The following SGCZ variants were observed in gnomAD, a reference collection of about 807,000 sequenced individuals.
The protein encoded by SGCZ is sarcoglycan zeta.
Under a neutral mutation model 41.3 loss-of-function variants are expected in SGCZ, and 40 were observed. The ratio of observed to expected loss-of-function variants is 0.97; its 90% CI spans 0.75 to 1.26. The LOEUF (loss-of-function observed/expected upper bound fraction) is 1.26. Ranked by LOEUF, SGCZ falls within the 50% of genes most tolerant of loss-of-function variation. The probability of loss-of-function intolerance (pLI) is 0.00; values close to 1 mark genes in which losing one functional copy is unlikely to be tolerated. For missense variants in SGCZ, 552 were observed against 369.8 expected (o/e 1.49, Z -4.04); for synonymous variants, 206 against 137.5 (o/e 1.50, Z -3.49).
At chr8:14,227,960 C>T (rs890168343) in intron 4 of SGCZ, among the ~76,000 whole-genome samples, 5 of 151,986 alleles carry the variant, frequency 3.3e-5, no homozygotes, top group African/African-American at 9.7e-5. Context: ...TACCCCATGA[C>T]CAGGCAATTA....
intron 1 of SGCZ, among the ~76,000 whole-genome samples, chr8:14,653,425 T>C (rs533402011): frequency 6.6e-6 from 1 of 152,292 alleles, no homozygotes; most frequent in African/African-American, 2.4e-5. Flanking sequence ...AGCCCATATA[T>C]TTTGTAGTTT....
At chr8:14,443,668 G>C (rs979166590) in intron 2 of SGCZ, among the ~76,000 whole-genome samples, 23 of 152,082 alleles carry the variant, frequency 1.5e-4, no homozygotes, top group African/African-American at 5.3e-4. Context: ...ATTCAAGATG[G>C]ATTAAAGACT....
chr8:14,687,796 T>G (rs1489440408), intron 1 of SGCZ, among the ~76,000 whole-genome samples: 10 of 151,996 alleles, frequency 6.6e-5, no homozygotes, highest in Admixed American at 6.6e-4. Context: ...GATGAACTAG[T>G]TTACAGTCCC....
intron 1 of SGCZ, among the ~76,000 whole-genome samples, chr8:15,170,609 G>A (rs1371499683): frequency 6.6e-6 from 1 of 152,166 alleles, no homozygotes; most frequent in Non-Finnish European, 1.5e-5. Context: ...ATGTGTCCCT[G>A]GAATCCAGGT....
chr8:14,689,706 G>A (rs1808735663), intron 1 of SGCZ, among the ~76,000 whole-genome samples: 2 of 152,176 alleles, frequency 1.3e-5, no homozygotes, highest in South Asian at 4.1e-4. Flanking sequence ...AGCTGCACCT[G>A]CTCTTATTTG....
chr8:14,785,242 A>G (rs1270940865), intron 1 of SGCZ, among the ~76,000 whole-genome samples: 1 of 151,796 alleles, frequency 6.6e-6, no homozygotes, highest in Non-Finnish European at 1.5e-5. Context: ...TATTTCTACT[A>G]TCAGAAATTT....
At chr8:14,532,374 G>A (rs890084843) in intron 2 of SGCZ, among the ~76,000 whole-genome samples, 1 of 152,072 alleles carries the variant, frequency 6.6e-6, no homozygotes, top group African/African-American at 2.4e-5. Flanking sequence ...GTAGAAAGTG[G>A]ATAATGGTCT....
At chr8:14,640,647 G>A (rs985348602) in intron 1 of SGCZ, among the ~76,000 whole-genome samples, 5 of 73,306 alleles carry the variant, frequency 6.8e-5, no homozygotes, top group Non-Finnish European at 1.4e-4. Flanking sequence ...CATATATATA[G>A]GGGTGTGTGT....
At chr8:14,244,251 T>C (rs1799001130) in intron 3 of SGCZ, among the ~76,000 whole-genome samples, 1 of 151,758 alleles carries the variant, frequency 6.6e-6, no homozygotes, top group Non-Finnish European at 1.5e-5. Context: ...TTCCTCCTCC[T>C]TCTCTTCCTT....
chr8:14,803,783 GACAA>G (rs1276531699), intron 1 of SGCZ, among the ~76,000 whole-genome samples: 1 of 148,334 alleles, frequency 6.7e-6, no homozygotes, highest in East Asian at 2.0e-4. Flanking sequence ...GCAGGGCACA[GACAA>G]ACAAAAAGAC....
In SGCZ at chr8:14,678,266, G is replaced by A. The variant is rs573290021; in HGVS notation, c.40-123340C>T. ...AAAAGTATGAAAAGATAAGCTACAGGCTAAGAGAAAATATTGTAGAAAACA... is the reference window on the plus strand; with the variant it reads ...AAAAGTATGAAAAGATAAGCTACAGACTAAGAGAAAATATTGTAGAAAACA... On this transcript the variant is annotated intron_variant, in intron 1 of 7. Transcript: ENST00000382080. Among the ~76,000 whole-genome samples the A allele has an allele frequency of 3.2e-4, 49 of 152,174 alleles. 1 individual carries two copies. The South Asian group carries it at 9.9e-3, about 31-fold the overall frequency.
intron 1 of SGCZ, among the ~76,000 whole-genome samples, chr8:14,863,349 G>A (rs1803819208): frequency 6.6e-6 from 1 of 151,988 alleles, no homozygotes; most frequent in Non-Finnish European, 1.5e-5. Context: ...TTTAGAGAAA[G>A]GATTTCTCTC....
At position 14,705,460 on chromosome 8, in the gene SGCZ, T is replaced by C. The variant is rs564476045; in HGVS notation, c.40-150534A>G. 5.3e-5 allele frequency among the ~76,000 whole-genome samples: 8 copies of C among 152,106 alleles called. 1 individual carries two copies. The highest frequency in any genetic ancestry group is 2.0e-4 in the Admixed American group (3 of 15,246). ...CTATAAAATGTGTCTTGAGTAGTGA[T>C]AAAAGGTAAAATGCCTGCCATATAA... On this transcript the variant is annotated intron_variant, in intron 1 of 7. Coordinates refer to ENST00000382080, the MANE Select transcript of SGCZ (RefSeq NM_139167.4).
chr8:14,151,662 T>C (rs1017967824), intron 5 of SGCZ, among the ~76,000 whole-genome samples: 2 of 152,108 alleles, frequency 1.3e-5, no homozygotes, highest in Middle Eastern at 3.4e-3. Context: ...AATAATAATA[T>C]TGAAATAAAG....
chr8:14,900,547 C>G (rs1225867122), intron 1 of SGCZ, among the ~76,000 whole-genome samples: 2 of 152,084 alleles, frequency 1.3e-5, no homozygotes, highest in Non-Finnish European at 2.9e-5. Flanking sequence ...TGGGTCCAAG[C>G]TGAATGACAG....
At chr8:14,957,997 C>G (rs184424142) in intron 1 of SGCZ, among the ~76,000 whole-genome samples, 12 of 152,018 alleles carry the variant, frequency 7.9e-5, no homozygotes, top group Non-Finnish European at 1.5e-4. Context: ...TCCTACAGTA[C>G]TTGAAAGAAA....
intron 7 of SGCZ, among the ~76,000 whole-genome samples, chr8:14,100,061 A>G (rs1801965324): frequency 6.6e-6 from 1 of 151,862 alleles, no homozygotes; most frequent in South Asian, 2.1e-4. Flanking sequence ...AGTAAATGAT[A>G]AATCTGTGGT....
intron 1 of SGCZ, among the ~76,000 whole-genome samples, chr8:14,679,400 A>G (rs1808371275): frequency 1.3e-5 from 2 of 151,918 alleles, no homozygotes; most frequent in Admixed American, 1.3e-4. Flanking sequence ...CAAGATGTAC[A>G]GGGGGAAGAC....
At chr8:14,255,475 T>C (rs1799429042) in intron 3 of SGCZ, among the ~76,000 whole-genome samples, 1 of 152,120 alleles carries the variant, frequency 6.6e-6, no homozygotes, top group African/African-American at 2.4e-5. Context: ...AAAAATTTCT[T>C]GAGGATTGAG....
Sources: gnomAD v4.1 joint callset for allele counts (sites outside exome capture counted in the v4.1 genomes callset) on GRCh38, gnomAD v4.1.1 for gene constraint, MANE v1.5 for transcripts, NCBI Gene and HGNC (gene_info 2026-07-23, HGNC 2026-07-21) for gene names.